Variants in ODAD2 observed in about 807,000 individuals in gnomAD.
The protein encoded by ODAD2 is outer dynein arm-docking complex subunit 2.
A neutral mutation model predicts 106.8 loss-of-function variants in ODAD2; 89 were observed. The ratio of observed to expected loss-of-function variants is 0.83; its 90% CI spans 0.70 to 0.99. ODAD2 has a LOEUF of 0.99. ODAD2 is among the 50% of genes least tolerant of loss of function. The probability of loss-of-function intolerance (pLI) is 0.00; values close to 1 mark genes in which losing one functional copy is unlikely to be tolerated. For synonymous variants in ODAD2, 404 were observed against 436.2 expected, an observed-to-expected ratio of 0.93 and a Z score of 0.92; for missense variants, 1,168 against 1,238.5, an observed-to-expected ratio of 0.94 and a Z score of 0.85.
chr10:27,820,764 T>A (rs1413402622), intron 19 of ODAD2, among the ~76,000 whole-genome samples: 1 of 149,544 alleles, frequency 6.7e-6, no homozygotes, highest in African/African-American at 2.5e-5. Flanking sequence ...ATTAAACCAA[T>A]GAAGCCCAGC....
intron 16 of ODAD2, among the ~76,000 whole-genome samples, chr10:27,931,604 T>C (rs1845625121): frequency 6.6e-6 from 1 of 151,776 alleles, no homozygotes; most frequent in South Asian, 2.1e-4. Context: ...ATGAAAAGAA[T>C]ATAGCTGTTT....
intron 3 of ODAD2, among the ~76,000 whole-genome samples, chr10:27,986,150 A>G (rs1272278037): frequency 2.6e-5 from 4 of 152,126 alleles, no homozygotes; most frequent in Admixed American, 2.6e-4. Flanking sequence ...ACTGGGGGAG[A>G]GGAGAGCAGC....
intron 6 of ODAD2, chr10:27,981,980 A>G (rs12779067): frequency 0.2 from 30,682 of 153,296 alleles, 3,557 homozygotes; most frequent in Middle Eastern, 0.29. Context: ...TAACCGTGGA[A>G]AAGCCTACAT....
At chr10:27,921,790 A>T (rs1253993703) in intron 16 of ODAD2, among the ~76,000 whole-genome samples, 3 of 151,598 alleles carry the variant, frequency 2.0e-5, no homozygotes, top group Admixed American at 6.6e-5. Flanking sequence ...CAAGCATCAG[A>T]CTTTTCAAAA....
chr10:27,970,101 A>C (rs551227607), intron 8 of ODAD2, among the ~76,000 whole-genome samples: 24 of 133,416 alleles, frequency 1.8e-4, no homozygotes, highest in African/African-American at 5.8e-4. Context: ...TCTGTCTCAA[A>C]AAATAAATAA....
At chr10:27,876,657 G>A (rs1227981807) in intron 17 of ODAD2, among the ~76,000 whole-genome samples, 1 of 152,188 alleles carries the variant, frequency 6.6e-6, no homozygotes, top group Admixed American at 6.5e-5. Context: ...ACGTCTCTGA[G>A]GAATCCTCTG....
intron 19 of ODAD2, among the ~76,000 whole-genome samples, chr10:27,831,780 A>C (rs1399529424): frequency 2.6e-5 from 4 of 152,226 alleles, no homozygotes; most frequent in African/African-American, 9.7e-5. Context: ...CATACTCTGT[A>C]GTCCCAGCTG....
At chr10:27,899,325 G>C (rs1843045112) in intron 17 of ODAD2, among the ~76,000 whole-genome samples, 1 of 152,138 alleles carries the variant, frequency 6.6e-6, no homozygotes, top group Non-Finnish European at 1.5e-5. Flanking sequence ...CCGCAGACCA[G>C]GAGATTCCCT....
intron 7 of ODAD2, among the ~76,000 whole-genome samples, chr10:27,980,281 A>T (rs1289704894): frequency 6.6e-6 from 1 of 152,180 alleles, no homozygotes; most frequent in Non-Finnish European, 1.5e-5. Context: ...CTTAAATATG[A>T]TATCAAAAGC....
chr10:27,862,309 T>A (rs1840103556), intron 18 of ODAD2, 125 bp downstream of exon 18: 2 of 597,410 alleles, frequency 3.3e-6, no homozygotes, highest in African/African-American at 3.8e-5. Context: ...CCAAATCTCA[T>A]ACCTCATAAG....
At chr10:27,842,555 TG>T (rs1838390394) in intron 19 of ODAD2, among the ~76,000 whole-genome samples, 1 of 152,232 alleles carries the variant, frequency 6.6e-6, no homozygotes, top group Non-Finnish European at 1.5e-5. Context: ...TTCTACCATT[TG>T]AAAGATTAAT....
intron 16 of ODAD2, among the ~76,000 whole-genome samples, chr10:27,931,416 CA>C (rs1411030003): frequency 6.6e-6 from 1 of 152,046 alleles, no homozygotes; most frequent in Non-Finnish European, 1.5e-5. Context: ...TAGTTTTGTG[CA>C]TTACTAATAA....
chr10:27,877,166 T>A (rs900207774), intron 17 of ODAD2, among the ~76,000 whole-genome samples: 1 of 152,166 alleles, frequency 6.6e-6, no homozygotes, highest in Non-Finnish European at 1.5e-5. Context: ...TATAAATTGA[T>A]GAGATCAGTT....
Position 27,862,591 on chromosome 10 carries a change from C to T in ODAD2, c.2642G>A (p.Gly881Asp). ...TAAATTGACAATAAGTTCCAAACCACCAACAAAGGAACGAACCATTTCCCC... is the reference window on the plus strand; with the variant it reads ...TAAATTGACAATAAGTTCCAAACCATCAACAAAGGAACGAACCATTTCCCC... The part of the protein sequence containing the change: ...DAGEMVRSFV[G>D]GLELIVNLLK... Residue 881 changes from glycine to aspartate, a missense_variant, in exon 18 of 20, where the codon GGT (glycine) becomes GAT (aspartate). Gly to Asp is a moderately conservative substitution (Grantham distance 94). Around this residue, in one of 3 missense-constraint regions of ODAD2, gnomAD observed 701 missense variants for 712.3 expected, o/e 0.98. Transcript: ENST00000305242. The T allele has an allele frequency of 6.2e-7, 1 of 1,607,486 alleles. No individual in the cohort carries two copies.
Position 27,994,291 on chromosome 10 carries a change from G to A in ODAD2, c.224+628C>T, listed in dbSNP as rs1354050389. On this transcript the variant is annotated intron_variant, in intron 2 of 19. Transcript: ENST00000305242. ...AATTCATCATTCATCACCCCTCCCC[G>A]CCGCCTCCTGCTTCTAGCCCAGGAA... Among the ~76,000 whole-genome samples, 16 of 151,810 alleles carry A rather than the reference G, an allele frequency of 1.1e-4. No homozygotes were observed. In the East Asian group the frequency reaches 1.7e-3, roughly 17 times the overall value.
At chr10:27,999,157 C>T (rs930822952), upstream of ODAD2, 16 of 152,282 alleles carry the variant, frequency 1.1e-4, no homozygotes, top group African/African-American at 3.9e-4. Flanking sequence ...CTTTGCATCT[C>T]CCTTTCTCAA....
intron 17 of ODAD2, among the ~76,000 whole-genome samples, chr10:27,894,347 G>A (rs947894164): frequency 5.3e-5 from 8 of 151,578 alleles, no homozygotes; most frequent in Non-Finnish European, 8.8e-5. Context: ...TAACCTCCAC[G>A]GATATACATT....
At chr10:27,992,607 TGGAGCCCA>T (rs1850297179) in intron 2 of ODAD2, among the ~76,000 whole-genome samples, 1 of 152,150 alleles carries the variant, frequency 6.6e-6, no homozygotes, top group South Asian at 2.1e-4. Context: ...GGAGGATCCA[TGGAGCCCA>T]GGAGTTTGAG....
intron 19 of ODAD2, among the ~76,000 whole-genome samples, chr10:27,856,261 A>T (rs1053838506): frequency 6.6e-6 from 1 of 151,174 alleles, no homozygotes; most frequent in Non-Finnish European, 1.5e-5. Flanking sequence ...ATCACACTGT[A>T]TTGGAGGGGA....
Sources: allele counts gnomAD v4.1 joint callset (sites outside exome capture counted in the v4.1 genomes callset), GRCh38; gene constraint gnomAD v4.1.1; regional missense constraint gnomAD v4.1.1; transcripts MANE v1.5; gene names NCBI Gene and HGNC (gene_info 2026-07-23, HGNC 2026-07-21).